The following TRPA1 variants were observed in gnomAD, a reference collection of about 807,000 sequenced individuals.
TRPA1 encodes the protein transient receptor potential cation channel subfamily A member 1, also known as ankyrin-like with transmembrane domains 1.
Under a neutral mutation model 131.3 loss-of-function variants are expected in TRPA1, and 129 were observed. The observed-to-expected ratio is 0.98, with a 90% confidence interval of 0.85 to 1.14. The LOEUF is 1.14. Among genes scored for constraint, TRPA1 ranks in the 50% most tolerant of loss-of-function variants. TRPA1 has a pLI of 0.00. For synonymous variants in TRPA1, 441 were observed against 451.7 expected, an observed-to-expected ratio of 0.98 and a Z score of 0.30; for missense variants, 1,304 against 1,354.2, an observed-to-expected ratio of 0.96 and a Z score of 0.58.
At chr8:72,081,415 C>G in the TRPA1 span, among the ~76,000 whole-genome samples, 21 of 151,628 alleles carry the variant, frequency 1.4e-4, no homozygotes, top group African/African-American at 4.8e-4. Context: ...CATTTTATGC[C>G]TAGCGTATGG....
the TRPA1 span, among the ~76,000 whole-genome samples, chr8:72,081,561 C>A: frequency 6.6e-6 from 1 of 151,704 alleles, no homozygotes; most frequent in South Asian, 2.1e-4. Flanking sequence ...TAGTGATTTT[C>A]TATTTATTAT....
intron 23 of TRPA1, among the ~76,000 whole-genome samples, chr8:72,030,561 T>G (rs1390465972): frequency 6.6e-6 from 1 of 152,178 alleles, no homozygotes; most frequent in Admixed American, 6.5e-5. Flanking sequence ...TTATGAAAAC[T>G]TAAGACATAC....
rs1370826872 is a variant in TRPA1, at chr8:72,033,721, A to G, written c.2791T>C (p.Leu931=). Residue 931 remains leucine (L), a synonymous_variant, in exon 23 of 27, where the codon TTG becomes CTG. Coordinates refer to ENST00000262209, the MANE Select transcript of TRPA1 (RefSeq NM_007332.3). ...SFLEPYLRNE[L]AHPVLSFAQL... is the part of the protein sequence containing the mutation. Reference sequence around the variant, plus strand: ...GCAAAGGACAGAACTGGATGTGCCAATTCATTTCTCAGATATGGTTCTAGG... The same window carrying G: ...GCAAAGGACAGAACTGGATGTGCCAGTTCATTTCTCAGATATGGTTCTAGG... 2 of 1,613,996 alleles carry G rather than the reference A, an allele frequency of 1.2e-6. No individual in the cohort carries two copies. Among genetic ancestry groups the G allele is most frequent in the African/African-American group, 1.3e-5 (1 of 74,930 alleles).
chr8:72,051,935 G>C lies in TRPA1; in HGVS notation c.1811+664C>G, dbSNP rs576755822. ...AAAGATCAGAGAGGTTAAGCAATGT[G>C]CCTGTTGTCATCCAAAAGAATTCAT... On this transcript the variant is annotated intron_variant, in intron 14 of 26. Transcript: ENST00000262209. Among the ~76,000 whole-genome samples, 4 of 152,280 alleles carry C rather than the reference G, an allele frequency of 2.6e-5. No individual in the cohort carries two copies. In the East Asian group the frequency reaches 7.7e-4, roughly 29 times the overall value.
chr8:72,040,062 T>C (rs1013022265), intron 17 of TRPA1, among the ~76,000 whole-genome samples: 1 of 152,122 alleles, frequency 6.6e-6, no homozygotes, highest in Non-Finnish European at 1.5e-5. Context: ...TTTAATCTTA[T>C]ACAGGATTAC....
At chr8:72,049,131 T>C (rs4737337) in intron 15 of TRPA1, among the ~76,000 whole-genome samples, 95,399 of 151,750 alleles carry the variant, frequency 0.63, 30,251 homozygotes, top group Admixed American at 0.74. Flanking sequence ...CCGTCCAAAA[T>C]ATTTGGTGCA....
At chr8:72,069,355 A>G (rs539594571) in intron 2 of TRPA1, among the ~76,000 whole-genome samples, 157 bp from the exon 3 acceptor site, 1 of 152,246 alleles carries the variant, frequency 6.6e-6, no homozygotes, top group South Asian at 2.1e-4. Context: ...CTAACGAAAC[A>G]TTTAATGGGA....
At chr8:72,038,697 C>T in intron 19 of TRPA1, 168 bp downstream of exon 19, 1 of 607,404 alleles carries the variant, frequency 1.6e-6, no homozygotes, top group African/African-American at 1.9e-5. Context: ...GTTTATATTC[C>T]CTCTCCTTCC....
At position 72,048,035 on chromosome 8, in the gene TRPA1, G is replaced by A. The variant is rs550685047; in HGVS notation, c.1906-828C>T. On this transcript the variant is annotated intron_variant, in intron 15 of 26. Transcript: ENST00000262209. ...GCCAAGCAACACGGAGAGAGTATGT[G>A]TTTAGAGGGGGGTGGACAGGATGGT... Among the ~76,000 whole-genome samples, 73 of 151,482 alleles carry A rather than the reference G, an allele frequency of 4.8e-4. 1 individual carries two copies. The highest frequency in any genetic ancestry group is 3.0e-3 in the Admixed American group (45 of 15,156).
intron 15 of TRPA1, among the ~76,000 whole-genome samples, chr8:72,048,397 G>C (rs1805403842): frequency 6.6e-6 from 1 of 152,026 alleles, no homozygotes; most frequent in Non-Finnish European, 1.5e-5. Flanking sequence ...GGAAGAAACA[G>C]GGCCATGGCT....
chr8:72,077,865 C>A (rs73294669), upstream of TRPA1, among the ~76,000 whole-genome samples: 7,311 of 152,014 alleles, frequency 0.048, 482 homozygotes, highest in African/African-American at 0.15. Context: ...CAGTAATGTG[C>A]AAGCTTTTTA....
At chr8:72,075,859 AGTGTGTGTGT>A (rs61575164), upstream of TRPA1, among the ~76,000 whole-genome samples, 4,556 of 135,082 alleles carry the variant, frequency 0.034, 167 homozygotes, top group African/African-American at 0.091. Flanking sequence ...CTTGCATGTG[AGTGTGTGTGT>A]GTGTGTGTGT....
intron 2 of TRPA1, among the ~76,000 whole-genome samples, chr8:72,071,366 G>A (rs1232519828): frequency 1.3e-5 from 2 of 152,072 alleles, no homozygotes; most frequent in East Asian, 1.9e-4. Context: ...CCTTCTTGAG[G>A]TGTCAATTTT....
intron 1 of TRPA1, 52 bp downstream of exon 1, chr8:72,075,247 G>C: frequency 7.0e-7 from 1 of 1,436,634 alleles, no homozygotes; most frequent in Non-Finnish European, 9.8e-7. Context: ...ACCTCCAGCC[G>C]ACCCCCGCCC....
chr8:72,026,819 T>C (rs1811627565), intron 24 of TRPA1, among the ~76,000 whole-genome samples: 1 of 152,200 alleles, frequency 6.6e-6, no homozygotes, highest in African/African-American at 2.4e-5. Context: ...TAGTGAGATT[T>C]GCTTTCTAAG....
chr8:72,074,041 T>C (rs989466050), intron 1 of TRPA1, among the ~76,000 whole-genome samples: 1 of 152,178 alleles, frequency 6.6e-6, no homozygotes, highest in African/African-American at 2.4e-5. Flanking sequence ...TAGAGAGCAA[T>C]TTGTCAATTT....
chr8:72,048,015 G>A (rs143420789), intron 15 of TRPA1, among the ~76,000 whole-genome samples: 26 of 151,740 alleles, frequency 1.7e-4, no homozygotes, highest in African/African-American at 6.3e-4. Flanking sequence ...CATGTGCCAA[G>A]CAACACGGAG....
chr8:72,069,326 T>TA, intron 2 of TRPA1, 128 bp from the exon 3 acceptor site: 1 of 912,988 alleles, frequency 1.1e-6, no homozygotes, highest in Non-Finnish European at 1.7e-6. Context: ...TTATGGAAAC[T>TA]AAAAACACAG....
In TRPA1 at chr8:72,052,687, C is replaced by A; in HGVS notation, c.1723G>T (p.Val575Phe). The A allele has an allele frequency of 6.2e-7, 1 of 1,613,856 alleles. No individual in the cohort carries two copies. Residue 575 changes from valine to phenylalanine, a missense_variant, in exon 14 of 27, where the codon GTC becomes TTC. By Grantham distance (50) the Val-to-Phe change is conservative. Transcript: ENST00000262209. ...AAGGAGGCCTGCTGCTTGTTCAGGACTATGTCAGCATTGTGGCTCAGAAGA... is the reference window on the plus strand; with the variant it reads ...AAGGAGGCCTGCTGCTTGTTCAGGAATATGTCAGCATTGTGGCTCAGAAGA... ...ALLLSHNADIVLNKQQASFLH... is the reference protein window; with the variant it reads ...ALLLSHNADIFLNKQQASFLH...
Sources: allele counts gnomAD v4.1 joint callset (sites outside exome capture counted in the v4.1 genomes callset), GRCh38; gene constraint gnomAD v4.1.1; transcripts MANE v1.5; gene names NCBI Gene and HGNC (gene_info 2026-07-23, HGNC 2026-07-21).